KREMEN1: variants seen among roughly 807,000 people sequenced by gnomAD.
KREMEN1 encodes kringle containing transmembrane protein 1.
In KREMEN1, 30 loss-of-function variants were observed where a neutral mutation model predicts 46.5. The ratio of observed to expected loss-of-function variants is 0.65; its 90% CI spans 0.48 to 0.88. The LOEUF is 0.88. Ranked by LOEUF, KREMEN1 falls within the 40% of genes least tolerant of loss-of-function variation. The pLI is 0.00. For synonymous variants in KREMEN1, 214 were observed against 230.6 expected (o/e 0.93, Z 0.65); for missense variants, 533 against 596.9 (o/e 0.89, Z 1.11).
chr22:29,139,446 A>T (rs6006020), intron 7 of KREMEN1, among the ~76,000 whole-genome samples: 2,411 of 151,980 alleles, frequency 0.016, 61 homozygotes, highest in African/African-American at 0.055. Context: ...TACAAAAAAT[A>T]AAAAAAATTA....
intron 2 of KREMEN1, among the ~76,000 whole-genome samples, chr22:29,096,245 T>C (rs2037880981): frequency 6.6e-6 from 1 of 152,208 alleles, no homozygotes; most frequent in Admixed American, 6.5e-5. Flanking sequence ...TGTTTTTCCA[T>C]AGTTGCTTAT....
At chr22:29,136,349 G>A (rs967562686) in intron 5 of KREMEN1, among the ~76,000 whole-genome samples, 1 of 151,766 alleles carries the variant, frequency 6.6e-6, no homozygotes, top group African/African-American at 2.4e-5. Context: ...CGGGACGGGT[G>A]GATCACGAGG....
chr22:29,164,107 G>A (rs930792142), intron 9 of KREMEN1, among the ~76,000 whole-genome samples: 17 of 152,336 alleles, frequency 1.1e-4, no homozygotes, highest in East Asian at 7.7e-4. Context: ...GCATTGCTGC[G>A]CCCAGCTGAG....
At position 29,073,286 on chromosome 22, in the gene KREMEN1, A is replaced by C; in HGVS notation, c.97+59A>C. 1.3e-6 allele frequency: 1 copy of C among 771,638 alleles called. No homozygotes were observed. The highest frequency in any genetic ancestry group is 1.7e-6 in the Non-Finnish European group (1 of 592,780). The allele number at this position is 771,638 out of a possible 1,614,324, so 47.8% of individuals were successfully genotyped here. A position where few individuals can be genotyped will look rare whatever the true frequency, so the allele number is the denominator to read the frequency against. On this transcript the variant is annotated intron_variant, in intron 1 of 8. Coordinates refer to ENST00000400335, the MANE Select transcript of KREMEN1 (RefSeq NM_001039570.3). This position sits in a 1 kb window ranked among gnomAD's most constrained non-coding sequence, Gnocchi z 4.4. ...AGCGGAGCCCACTCGAGGGGCGACA[A>C]GGGCCGGCCGGCCTGAGAGCCCCCT... is the stretch of plus-strand genomic sequence containing the variant.
chr22:29,107,496 A>G (rs2145787135), intron 3 of KREMEN1, among the ~76,000 whole-genome samples: 1 of 152,210 alleles, frequency 6.6e-6, no homozygotes, highest in Admixed American at 6.5e-5. Context: ...CTGGGATTAC[A>G]GGCATGAGCC....
At chr22:29,149,736 C>G (rs565614371), downstream of KREMEN1, among the ~76,000 whole-genome samples, 1 of 152,212 alleles carries the variant, frequency 6.6e-6, no homozygotes, top group Non-Finnish European at 1.5e-5. Flanking sequence ...ATGAGACCCT[C>G]AAACCCATCT....
At chr22:29,140,559 A>C (rs2038746181) in intron 8 of KREMEN1, among the ~76,000 whole-genome samples, 193 bp downstream of exon 8, 1 of 152,234 alleles carries the variant, frequency 6.6e-6, no homozygotes, top group South Asian at 2.1e-4. Context: ...AAATCTCATT[A>C]AGGTTTCAGG....
At chr22:29,149,125 C>T (rs1451627166), downstream of KREMEN1, among the ~76,000 whole-genome samples, 3 of 152,060 alleles carry the variant, frequency 2.0e-5, no homozygotes, top group Non-Finnish European at 4.4e-5. Context: ...CTCCACCCTG[C>T]AGCCAGCCCC....
chr22:29,163,331 A>G (rs541503204), intron 9 of KREMEN1, among the ~76,000 whole-genome samples: 1 of 152,060 alleles, frequency 6.6e-6, no homozygotes, highest in Non-Finnish European at 1.5e-5. Flanking sequence ...ACTGTGAGTC[A>G]ATTAAGCCTC....
At chr22:29,074,992 G>A (rs1010512985) in intron 1 of KREMEN1, among the ~76,000 whole-genome samples, 1 of 152,178 alleles carries the variant, frequency 6.6e-6, no homozygotes, top group East Asian at 1.9e-4. Flanking sequence ...CCCTGGGAAT[G>A]CTAAGAGCTT....
intron 3 of KREMEN1, among the ~76,000 whole-genome samples, chr22:29,115,706 C>T (rs772087125): frequency 9.9e-5 from 15 of 152,164 alleles, no homozygotes; most frequent in Non-Finnish European, 2.1e-4. Context: ...GACACATAAC[C>T]CTCTTTCTTG....
intron 5 of KREMEN1, 24 bp downstream of exon 5, chr22:29,125,440 C>T: frequency 6.2e-7 from 1 of 1,611,454 alleles, no homozygotes; most frequent in Non-Finnish European, 8.5e-7. Flanking sequence ...GTGCCCATCA[C>T]TGCCCAAGGC....
chr22:29,099,261 G>C (rs1320298302), intron 3 of KREMEN1: 1 of 263,716 alleles, frequency 3.8e-6, no homozygotes, highest in Non-Finnish European at 7.2e-6. Context: ...AAGCAGCCTA[G>C]GGGAGAAAAA....
At chr22:29,099,152 C>T in intron 3 of KREMEN1, 199 bp downstream of exon 3, 1 of 544,838 alleles carries the variant, frequency 1.8e-6, no homozygotes, top group South Asian at 2.2e-5. Flanking sequence ...TCCTTAGCAC[C>T]TCATTCTAAA....
At chr22:29,077,382 C>T (rs999982736) in intron 1 of KREMEN1, among the ~76,000 whole-genome samples, 1 of 152,210 alleles carries the variant, frequency 6.6e-6, no homozygotes, top group Admixed American at 6.5e-5. Flanking sequence ...CGGAGTCTCA[C>T]TCTGTCACCC....
chr22:29,150,254 T>C (rs2038905075), downstream of KREMEN1, among the ~76,000 whole-genome samples: 1 of 151,926 alleles, frequency 6.6e-6, no homozygotes, highest in Non-Finnish European at 1.5e-5. Context: ...GGACTGAACA[T>C]GAACCAGTCT....
chr22:29,155,989 A>C (rs2038958331), intron 9 of KREMEN1, among the ~76,000 whole-genome samples: 1 of 151,854 alleles, frequency 6.6e-6, no homozygotes, highest in African/African-American at 2.4e-5. Flanking sequence ...GAAAGCACAC[A>C]AAACAAAAAG....
chr22:29,146,901 C>A, downstream of KREMEN1: 1 of 589,344 alleles, frequency 1.7e-6, no homozygotes, highest in Non-Finnish European at 2.1e-6. Flanking sequence ...GGTGGGATTC[C>A]TGCCTCCCCT....
intron 1 of KREMEN1, among the ~76,000 whole-genome samples, chr22:29,089,001 C>T (rs986585607): frequency 3.3e-5 from 5 of 152,198 alleles, no homozygotes; most frequent in African/African-American, 1.2e-4. Flanking sequence ...TCTCCTACCC[C>T]ACAGGCTGTA....
Sources: allele counts gnomAD v4.1 joint callset (sites outside exome capture counted in the v4.1 genomes callset), GRCh38; gene constraint gnomAD v4.1.1; non-coding constraint Gnocchi (gnomAD v3.1); transcripts MANE v1.5; gene names NCBI Gene and HGNC (gene_info 2026-07-23, HGNC 2026-07-21).